The following DIS3 variants were observed in gnomAD, a reference collection of about 807,000 sequenced individuals.
The protein encoded by DIS3 is DIS3 exosome endoribonuclease and 3'-5' exoribonuclease.
Under a neutral mutation model 113.0 loss-of-function variants are expected in DIS3, and 103 were observed. That is an observed-to-expected ratio of 0.91 (90% confidence interval 0.78 to 1.07). The LOEUF (loss-of-function observed/expected upper bound fraction) is 1.07. Among genes scored for constraint, DIS3 ranks in the 50% least tolerant of loss-of-function variants. DIS3 has a pLI of 0.00. For synonymous variants in DIS3, 402 were observed against 394.3 expected, an observed-to-expected ratio of 1.02 and a Z score of -0.23; for missense variants, 1,121 against 1,167.1, an observed-to-expected ratio of 0.96 and a Z score of 0.58.
Position 72,780,828 on chromosome 13 carries a change from A to G in DIS3, c.386+18T>C, listed in dbSNP as rs200294359. The G allele has an allele frequency of 1.2e-4, 192 of 1,574,750 alleles. No individual in the cohort carries two copies. In the African/African-American group the frequency reaches 2.3e-3, roughly 19 times the overall value. On this transcript the variant is annotated intron_variant, in intron 2 of 20. Coordinates refer to ENST00000377767, the MANE Select transcript of DIS3 (RefSeq NM_014953.5). The stretch of plus-strand genomic sequence containing the variant: ...TAATCCTGTGGTTTTCTGATATTTA[A>G]CGTAATATTCCTCCTACCTATGGTG...
At position 72,766,057 on chromosome 13, in the gene DIS3, C is replaced by G; in HGVS notation, c.1885G>C (p.Ala629Pro). 1 of 1,597,108 alleles carries G rather than the reference C, an allele frequency of 6.3e-7. No homozygotes were observed. Among genetic ancestry groups the G allele is most frequent in the Non-Finnish European group, 8.5e-7 (1 of 1,172,520 alleles). Residue 629 changes from alanine (A) to proline (P), a missense_variant and splice_region_variant, in exon 15 of 21, where the codon GCT becomes CCT. Physicochemically the swap from Ala to Pro is conservative, Grantham distance 27 (BLOSUM62 -1). Transcript: ENST00000377767. Reference sequence around the variant, plus strand: ...ACTTCAGGAGAGGATAGAGTCAAAGCCCTACATAAAAATTAAAGAGAAAAA... The same window carrying G: ...ACTTCAGGAGAGGATAGAGTCAAAGGCCTACATAAAAATTAAAGAGAAAAA... ...ILKKRRIEKG[A>P]LTLSSPEVRF...
At chr13:72,772,302 T>G (rs371636064) in intron 9 of DIS3, 27 bp from the exon 10 acceptor site, 1 of 1,532,690 alleles carries the variant, frequency 6.5e-7, no homozygotes, top group Non-Finnish European at 8.9e-7. Context: ...GATAAACAAA[T>G]AAATTATTTC....
chr13:72,773,885 G>A (rs991787182), intron 7 of DIS3, 61 bp downstream of exon 7: 1 of 1,591,206 alleles, frequency 6.3e-7, no homozygotes, highest in African/African-American at 1.4e-5. Flanking sequence ...CAAAAGAAAG[G>A]CTATAAGTTC....
In DIS3 at chr13:72,758,472, G is replaced by A. The variant is rs550846296; in HGVS notation, c.*1323C>T. On this transcript the variant is annotated 3_prime_UTR_variant, in exon 21 of 21. Coordinates refer to ENST00000377767, the MANE Select transcript of DIS3 (RefSeq NM_014953.5). ...TACACACTATCAACGGCAGAGTTGT[G>A]TACTATAGTTGCAATACAGACCATA... 1.8e-4 allele frequency: 36 copies of A among 205,510 alleles called. No homozygotes were observed. The highest frequency in any genetic ancestry group is 1.6e-3 in the Middle Eastern group (1 of 630). The allele number at this position is 205,510 out of a possible 1,614,324, so 12.7% of individuals were successfully genotyped here.
In DIS3 at chr13:72,778,123, G is replaced by T. The variant is rs545915375; in HGVS notation, c.580+64C>A. On this transcript the variant is annotated intron_variant, in intron 3 of 20. Transcript: ENST00000377767. ...TAGTAAAGTGAACATCTGACTATAG[G>T]CCTAATGATTATTTTTACACGCATT... is the stretch of plus-strand genomic sequence containing the variant. The T allele has an allele frequency of 3.0e-5, 41 of 1,348,852 alleles. No individual in the cohort carries two copies. The South Asian group carries it at 6.1e-4, about 20-fold the overall frequency. The allele number at this position is 1,348,852 out of a possible 1,614,324, so 83.6% of individuals were successfully genotyped here.
chr13:72,779,364 C>A (rs2034098838), intron 2 of DIS3, among the ~76,000 whole-genome samples: 1 of 152,118 alleles, frequency 6.6e-6, no homozygotes, highest in African/African-American at 2.4e-5. Flanking sequence ...GTGATCTGCC[C>A]ACCTCAACCT....
chr13:72,777,525 A>C (rs1435482765), intron 3 of DIS3, 32 bp from the exon 4 acceptor site: 12 of 1,597,136 alleles, frequency 7.5e-6, no homozygotes, highest in Non-Finnish European at 7.7e-6. Context: ...GTTTTTGATA[A>C]GTGTTTTTTC....
chr13:72,777,552 A>G (rs2034046646), intron 3 of DIS3, 59 bp from the exon 4 acceptor site: 1 of 1,444,926 alleles, frequency 6.9e-7, no homozygotes, highest in Admixed American at 1.7e-5. Flanking sequence ...TATGAAAAAA[A>G]TGGATAGTCT....
At chr13:72,779,837 T>C (rs1036950870) in intron 2 of DIS3, among the ~76,000 whole-genome samples, 3 of 152,014 alleles carry the variant, frequency 2.0e-5, no homozygotes, top group Admixed American at 2.0e-4. Flanking sequence ...CTACAATGTA[T>C]AAAACAGCCT....
In DIS3 at chr13:72,752,419, CAT is replaced by C. The variant is rs903193703; in HGVS notation, c.*7374_*7375del. On this transcript the variant is annotated 3_prime_UTR_variant, in exon 21 of 21. Transcript: ENST00000377767. ...TCAGCCACCATCTCAACTTGGCTCT[CAT>C]CAATCCTGCTCTTCCCATAGTGTGG... 2 of 152,212 alleles carry C rather than the reference CAT, an allele frequency of 1.3e-5. No homozygotes were observed. Among genetic ancestry groups the C allele is most frequent in the Non-Finnish European group, 2.9e-5 (2 of 68,048 alleles). 9.4% of individuals were successfully genotyped at this position (152,212 alleles called of 1,614,324 possible). A position where few individuals can be genotyped will look rare whatever the true frequency, so the allele number is the denominator to read the frequency against.
Position 72,770,888 on chromosome 13 carries a change from T to A in DIS3, c.1755+16A>T. 1 of 1,555,028 alleles carries A rather than the reference T, an allele frequency of 6.4e-7. No individual in the cohort carries two copies. Among genetic ancestry groups the A allele is most frequent in the Non-Finnish European group, 8.7e-7 (1 of 1,150,230 alleles). On this transcript the variant is annotated intron_variant, in intron 13 of 20. Transcript: ENST00000377767. ...AAAAAGTTTAAAAATTAGAGATTAATAGCCATGAAACGAACCTTTGAATTA... is the reference window on the plus strand; with the variant it reads ...AAAAAGTTTAAAAATTAGAGATTAAAAGCCATGAAACGAACCTTTGAATTA...
intron 4 of DIS3, 148 bp from the exon 5 acceptor site, chr13:72,776,240 G>T: frequency 1.4e-6 from 1 of 725,182 alleles, no homozygotes; most frequent in Non-Finnish European, 2.0e-6. Context: ...TTTCTTATAG[G>T]CCAGTGCTAA....
chr13:72,780,961 G>C lies in DIS3; in HGVS notation c.271C>G (p.Leu91Val). The C allele has an allele frequency of 5.0e-6, 8 of 1,612,854 alleles. No individual in the cohort carries two copies. Among genetic ancestry groups the C allele is most frequent in the Non-Finnish European group, 6.8e-6 (8 of 1,179,742 alleles). The change falls in exon 2 of 21, where the codon CTA (leucine) becomes GTA (valine). Residue 91 changes from leucine to valine, a missense_variant. Physicochemically the swap from Leu to Val is conservative, Grantham distance 32. Around this residue, in one of 3 missense-constraint regions of DIS3, gnomAD observed 254 missense variants for 232.2 expected, o/e 1.09. Coordinates refer to ENST00000377767, the MANE Select transcript of DIS3 (RefSeq NM_014953.5). The part of the protein sequence containing the change: ...EDPAIRNVIV[L>V]QTVLQEVRNR... ...CTCACTTCTTGAAGAACTGTTTGTA[G>C]CACAATTACATTCCTGATGGCAGGG...
chr13:72,758,723 A>G lies in DIS3; in HGVS notation c.*1072T>C. ...TGAGTGCCTAAATGACTACCTATTT[A>G]GTATACCTGCTGATTTACTTGGCAG... On this transcript the variant is annotated 3_prime_UTR_variant, in exon 21 of 21. Transcript: ENST00000377767. The G allele has an allele frequency of 1.4e-5, 3 of 210,252 alleles. No individual in the cohort carries two copies. The highest frequency in any genetic ancestry group is 7.1e-5 in the East Asian group (1 of 14,024). 13.0% of individuals were successfully genotyped at this position (210,252 alleles called of 1,614,324 possible).
rs2033493543 is a variant in DIS3 at position 72,757,005 on chromosome 13, TGCTTA to T, written c.*2785_*2789del. On this transcript the variant is annotated 3_prime_UTR_variant, in exon 21 of 21. Coordinates refer to ENST00000377767, the MANE Select transcript of DIS3 (RefSeq NM_014953.5). The stretch of plus-strand genomic sequence containing the variant: ...GTTAAGTGATATATTCCACGTAACC[TGCTTA>T]GCATAAGAACTGGCACTAGAAACAG... 1 of 152,204 alleles carries T rather than the reference TGCTTA, an allele frequency of 6.6e-6. No individual in the cohort carries two copies. The highest frequency in any genetic ancestry group is 1.5e-5 in the Non-Finnish European group (1 of 68,034). 9.4% of individuals were successfully genotyped at this position (152,204 alleles called of 1,614,324 possible). A position where few individuals can be genotyped will look rare whatever the true frequency, so the allele number is the denominator to read the frequency against.
chr13:72,755,152 A>G lies in DIS3; in HGVS notation c.*4643T>C. 2 of 1,613,704 alleles carry G rather than the reference A, an allele frequency of 1.2e-6. No individual in the cohort carries two copies. The highest frequency in any genetic ancestry group is 1.7e-6 in the Non-Finnish European group (2 of 1,179,798). ...AAGGTATTGTCTTCTTTTTCACAGC[A>G]AGACCACACAACACAGAGGTGTTGG... On this transcript the variant is annotated 3_prime_UTR_variant, in exon 21 of 21. Coordinates refer to ENST00000377767, the MANE Select transcript of DIS3 (RefSeq NM_014953.5).
At chr13:72,770,658 C>T (rs983576940) in intron 13 of DIS3, among the ~76,000 whole-genome samples, 4 of 152,106 alleles carry the variant, frequency 2.6e-5, no homozygotes, top group Non-Finnish European at 4.4e-5. Flanking sequence ...TGTTTAAGCA[C>T]GTGCCCGCAG....
Position 72,761,355 on chromosome 13 carries a change from T to C in DIS3, c.2670+8A>G, listed in dbSNP as rs1459964769. On this transcript the variant is annotated splice_region_variant and intron_variant, in intron 19 of 20. Transcript: ENST00000377767. ...CGGAAAAGAAAACAAACATGAGAAA[T>C]ACCGTACCTCATCATCATAAATAAG... 1 of 1,594,708 alleles carries C rather than the reference T, an allele frequency of 6.3e-7. No individual in the cohort carries two copies. The highest frequency in any genetic ancestry group is 8.5e-7 in the Non-Finnish European group (1 of 1,175,566).
intron 8 of DIS3, 135 bp from the exon 9 acceptor site, chr13:72,772,974 T>C: frequency 1.0e-6 from 1 of 988,028 alleles, no homozygotes; most frequent in Non-Finnish European, 1.4e-6. Context: ...AAATGACCCT[T>C]TAGTAAATTA....
Sources: allele counts gnomAD v4.1 joint callset (sites outside exome capture counted in the v4.1 genomes callset), GRCh38; gene constraint gnomAD v4.1.1; regional missense constraint gnomAD v4.1.1; transcripts MANE v1.5; gene names NCBI Gene and HGNC (gene_info 2026-07-23, HGNC 2026-07-21).